Variants in DNM2 observed in about 807,000 individuals in gnomAD.
DNM2 encodes the protein dynamin 2.
In DNM2, 15 loss-of-function variants were observed where a neutral mutation model predicts 99.0. The ratio of observed to expected loss-of-function variants is 0.15; its 90% CI spans 0.10 to 0.23. DNM2 has a LOEUF of 0.23. DNM2 is among the 10% of genes least tolerant of loss of function. The pLI, the probability that DNM2 is intolerant of heterozygous loss-of-function variation, is 1.00. For missense variants in DNM2, 742 were observed against 1,189.4 expected (o/e 0.62, Z 5.53); for synonymous variants, 525 against 481.2 (o/e 1.09, Z -1.19).
At chr19:10,734,638 C>CAAAAAA (rs61458566) in intron 1 of DNM2, among the ~76,000 whole-genome samples, 1 of 58,518 alleles carries the variant, frequency 1.7e-5, no homozygotes, top group African/African-American at 7.2e-5. Context: ...GACCCTGTCT[C>CAAAAAA]AAAAAAAAAA....
At chr19:10,784,349 G>A (rs991001872) in intron 6 of DNM2, among the ~76,000 whole-genome samples, 3 of 152,324 alleles carry the variant, frequency 2.0e-5, no homozygotes, top group Admixed American at 6.5e-5. Flanking sequence ...GGCAGCTCAG[G>A]AGAGCAAAGA....
At chr19:10,722,203 A>G (rs2145660326) in intron 1 of DNM2, among the ~76,000 whole-genome samples, 1 of 152,174 alleles carries the variant, frequency 6.6e-6, no homozygotes, top group South Asian at 2.1e-4. Context: ...AGCACCAGTC[A>G]CTGTCCCATC....
At chr19:10,785,820 T>A (rs1820706866) in intron 6 of DNM2, among the ~76,000 whole-genome samples, 1 of 151,236 alleles carries the variant, frequency 6.6e-6, no homozygotes, top group South Asian at 2.1e-4. Context: ...TTTCTTTTTC[T>A]TTTTTTTTGA....
At chr19:10,808,722 C>T (rs1037043470) in intron 14 of DNM2, 142 bp downstream of exon 14, 52 of 1,048,678 alleles carry the variant, frequency 5.0e-5, no homozygotes, top group East Asian at 3.4e-4. Flanking sequence ...AACCCCATGC[C>T]GCAGCCGGCG....
chr19:10,753,816 C>G (rs1300984593), intron 1 of DNM2, among the ~76,000 whole-genome samples: 2 of 151,860 alleles, frequency 1.3e-5, no homozygotes, highest in South Asian at 2.1e-4. Flanking sequence ...ACCACCACGC[C>G]TGGCTAATTT....
chr19:10,731,058 G>A (rs1437689254), intron 1 of DNM2, among the ~76,000 whole-genome samples: 1 of 152,154 alleles, frequency 6.6e-6, no homozygotes, highest in African/African-American at 2.4e-5. Context: ...GAGCTTCTCA[G>A]GGCTGCGATC....
At chr19:10,819,876 G>C (rs2072917273) in intron 15 of DNM2, 104 bp from the exon 16 acceptor site, 2 of 1,052,288 alleles carry the variant, frequency 1.9e-6, no homozygotes, top group Non-Finnish European at 3.0e-6. Flanking sequence ...CCAGCATTGA[G>C]AAGCCCCCGG....
chr19:10,762,687 A>G (rs10426511), intron 2 of DNM2, among the ~76,000 whole-genome samples: 147,042 of 152,292 alleles, frequency 0.97, 71,013 homozygotes, highest in East Asian at 1. Context: ...GGAGGGAGCC[A>G]AGGCTTCCTG....
At chr19:10,802,832 T>C (rs546620791) in intron 12 of DNM2, among the ~76,000 whole-genome samples, 1 of 152,318 alleles carries the variant, frequency 6.6e-6, no homozygotes, top group African/African-American at 2.4e-5. Flanking sequence ...GAACCTTCCG[T>C]GGCACCCAGA....
intron 1 of DNM2, among the ~76,000 whole-genome samples, chr19:10,728,978 G>A (rs906558964): frequency 1.3e-5 from 2 of 148,264 alleles, no homozygotes; most frequent in African/African-American, 5.0e-5. Flanking sequence ...GGTGGTTCAC[G>A]CCTGTAATCC....
At chr19:10,802,233 G>C (rs1202067242) in intron 11 of DNM2, 55 bp from the exon 12 acceptor site, 3 of 1,586,738 alleles carry the variant, frequency 1.9e-6, no homozygotes, top group East Asian at 4.5e-5. Flanking sequence ...TCTTGCCGCT[G>C]CCCCCCCTTG....
chr19:10,770,539 T>C (rs574754518), intron 2 of DNM2, among the ~76,000 whole-genome samples: 33 of 152,256 alleles, frequency 2.2e-4, no homozygotes, highest in African/African-American at 7.5e-4. Flanking sequence ...CAGCCGATAT[T>C]AATCCATTTT....
chr19:10,718,549 C>T (rs1036184701), intron 1 of DNM2, 146 bp downstream of exon 1: 4 of 1,159,790 alleles, frequency 3.4e-6, no homozygotes, highest in Non-Finnish European at 4.3e-6. Context: ...GAGGCGGGCC[C>T]TGTGGGACGC....
intron 7 of DNM2, among the ~76,000 whole-genome samples, chr19:10,787,176 T>C (rs950901023): frequency 2.0e-5 from 3 of 151,296 alleles, no homozygotes; most frequent in Admixed American, 2.0e-4. Flanking sequence ...TCTACTGAAA[T>C]TGCAAAATTA....
chr19:10,812,365 C>T lies in DNM2; in HGVS notation c.1659C>T (p.Tyr553=), dbSNP rs1399189951. Reference sequence around the variant, plus strand: ...TGACTGCCGAGTCACTGTCCTGGTACAAGGATGAGGAGGTGAGTGGCAGGC... The same window carrying T: ...TGACTGCCGAGTCACTGTCCTGGTATAAGGATGAGGAGGTGAGTGGCAGGC... ...FVLTAESLSW[Y]KDEEEKEKKY... Residue 553 remains tyrosine (Y), a synonymous_variant, in exon 15 of 21, where the codon TAC becomes TAT. Coordinates refer to ENST00000389253, the MANE Select transcript of DNM2 (RefSeq NM_001005361.3). The surrounding 1 kb of genome is among the most constrained non-coding windows in gnomAD (Gnocchi z 4.0). The T allele has an allele frequency of 1.2e-5, 19 of 1,608,226 alleles. No individual in the cohort carries two copies. In the Admixed American group the frequency reaches 2.9e-4, roughly 24 times the overall value.
chr19:10,817,929 ACTC>A lies in DNM2; in HGVS notation c.1672-2050_1672-2048del, dbSNP rs1475624692. On this transcript the variant is annotated intron_variant, in intron 15 of 20. Transcript: ENST00000389253. The surrounding 1 kb of genome is among the most constrained non-coding windows in gnomAD (Gnocchi z 4.6). ...GTGGCATTAGCTGGAATGGCCTGTG[ACTC>A]AGTTACTTGGCCCTGCTGGCTGGAA... is the stretch of plus-strand genomic sequence containing the variant. Among the ~76,000 whole-genome samples, 3 of 151,888 alleles carry A rather than the reference ACTC, an allele frequency of 2.0e-5. No individual in the cohort carries two copies. In the South Asian group the frequency reaches 6.2e-4, roughly 32 times the overall value.
intron 6 of DNM2, chr19:10,786,315 C>T (rs2071555557): frequency 1.4e-5 from 8 of 590,264 alleles, no homozygotes; most frequent in South Asian, 1.3e-4. Flanking sequence ...TGGATAGGCC[C>T]AGTGCCTGAT....
At chr19:10,761,457 C>CT (rs2070631178) in intron 2 of DNM2, among the ~76,000 whole-genome samples, 1 of 152,112 alleles carries the variant, frequency 6.6e-6, no homozygotes, top group African/African-American at 2.4e-5. Flanking sequence ...TGGAAACCCC[C>CT]TCGGGCCTCC....
chr19:10,777,439 A>G (rs1471126033), intron 5 of DNM2, among the ~76,000 whole-genome samples: 1 of 152,166 alleles, frequency 6.6e-6, no homozygotes, highest in African/African-American at 2.4e-5. Context: ...AAACATTAGA[A>G]AACAAGTGTA....
Sources: allele counts gnomAD v4.1 joint callset (sites outside exome capture counted in the v4.1 genomes callset), GRCh38; gene constraint gnomAD v4.1.1; non-coding constraint Gnocchi (gnomAD v3.1); transcripts MANE v1.5; gene names NCBI Gene and HGNC (gene_info 2026-07-23, HGNC 2026-07-21).